Variants in NHSL2 observed in about 807,000 individuals in gnomAD.
NHSL2 encodes the protein NHS-like protein 2.
In NHSL2, 27 loss-of-function variants were observed where a neutral mutation model predicts 53.4. The observed-to-expected ratio is 0.51, with a 90% CI of 0.37 to 0.70. The LOEUF (loss-of-function observed/expected upper bound fraction) is 0.70, where lower values mean the gene tolerates loss of function less well. Ranked by LOEUF, NHSL2 falls within the 30% of genes least tolerant of loss-of-function variation. The probability of loss-of-function intolerance (pLI) is 0.00; values close to 1 mark genes in which losing one functional copy is unlikely to be tolerated. For synonymous variants in NHSL2, 408 were observed against 404.1 expected (o/e 1.01, Z -0.12); for missense variants, 892 against 980.1 (o/e 0.91, Z 1.20).
At chrX:71,985,819 T>A (rs996198193) in intron 1 of NHSL2, among the ~76,000 whole-genome samples, 1 of 111,839 alleles carries the variant, frequency 8.9e-6, no homozygotes, top group Non-Finnish European at 1.9e-5. Context: ...AATGTCATAA[T>A]CTCCAAAGTT....
At chrX:72,061,804 C>T (rs1371115116) in intron 1 of NHSL2, among the ~76,000 whole-genome samples, 2 of 112,250 alleles carry the variant, frequency 1.8e-5, no homozygotes, top group African/African-American at 3.2e-5. Flanking sequence ...GGCCTTGGCA[C>T]TTTCTGTTCC....
At chrX:72,098,513 G>A (rs1455334704) in intron 1 of NHSL2, among the ~76,000 whole-genome samples, 2 of 107,426 alleles carry the variant, frequency 1.9e-5, no homozygotes, top group Non-Finnish European at 3.9e-5. Context: ...CCCGGGAGAC[G>A]GAGCTTGCAG....
intron 1 of NHSL2, among the ~76,000 whole-genome samples, chrX:72,026,602 G>A (rs1004035470): frequency 1.8e-5 from 2 of 112,836 alleles, no homozygotes; most frequent in Non-Finnish European, 3.8e-5. Context: ...CAATGGCCTA[G>A]GTGGTTTTCC....
intron 1 of NHSL2, among the ~76,000 whole-genome samples, chrX:71,994,298 C>CTCTGTG (rs2042040129): frequency 1.1e-5 from 1 of 90,061 alleles, no homozygotes; most frequent in African/African-American, 4.1e-5. Flanking sequence ...GAGGCTCCCT[C>CTCTGTG]TGTGTGTGTG....
At chrX:71,987,125 G>A (rs1041200778) in intron 1 of NHSL2, among the ~76,000 whole-genome samples, 15 of 111,752 alleles carry the variant, frequency 1.3e-4, no homozygotes, top group Non-Finnish European at 2.4e-4. Flanking sequence ...GCATGAGAAT[G>A]GTGTGAACCC....
chrX:71,942,459 T>C (rs1171571073), intron 1 of NHSL2, among the ~76,000 whole-genome samples: 4 of 112,635 alleles, frequency 3.6e-5, no homozygotes, highest in African/African-American at 1.3e-4. Context: ...GTGTCTGAGC[T>C]GATGTTTTCC....
chrX:71,910,908 C>T lies in NHSL2; in HGVS notation c.-180C>T. 1 of 266,722 alleles carries T rather than the reference C, an allele frequency of 3.7e-6. No individual in the cohort carries two copies. The highest frequency in any genetic ancestry group is 6.8e-5 in the Admixed American group (1 of 14,647). The allele number at this position is 266,722 out of a possible 1,213,427, so 22.0% of individuals were successfully genotyped here. A position where few individuals can be genotyped will look rare whatever the true frequency, so the allele number is the denominator to read the frequency against. On this transcript the variant is annotated 5_prime_UTR_variant, in exon 1 of 8. Coordinates refer to ENST00000633930, the MANE Select transcript of NHSL2 (RefSeq NM_001013627.3). ...GGAGCCGGCGCTCTAGGCGAGGAACCCGTCAGCCCGCCTACCCGCCCGTCG... is the reference window on the plus strand; with the variant it reads ...GGAGCCGGCGCTCTAGGCGAGGAACTCGTCAGCCCGCCTACCCGCCCGTCG...
intron 1 of NHSL2, among the ~76,000 whole-genome samples, chrX:71,942,970 C>CTGTGTG (rs1348513435): frequency 9.9e-4 from 17 of 17,096 alleles, no homozygotes; most frequent in South Asian, 5.9e-3. Flanking sequence ...CTCTCTCTCT[C>CTGTGTG]TCTGTGTGTG....
rs181773316 is a variant in NHSL2 at position 71,989,219 on chromosome X, C to T, written c.280+77852C>T. 5.0e-3 allele frequency among the ~76,000 whole-genome samples: 545 copies of T among 109,318 alleles called. 2 individuals carry two copies. The highest frequency in any genetic ancestry group is 0.018 in the African/African-American group (526 of 29,873). 94.9% of individuals were successfully genotyped at this position (109,318 alleles called of 115,157 possible). A position where few individuals can be genotyped will look rare whatever the true frequency, so the allele number is the denominator to read the frequency against. On this transcript the variant is annotated intron_variant, in intron 1 of 7. Transcript: ENST00000633930. ...AAAAAATTAGCCGGGCGTGGTGGCA[C>T]GCGCCTATAGTGCCAGCTACTCGGG... is the stretch of plus-strand genomic sequence containing the variant.
intron 1 of NHSL2, among the ~76,000 whole-genome samples, chrX:71,972,064 T>C (rs909459954): frequency 2.7e-5 from 3 of 111,035 alleles, no homozygotes; most frequent in African/African-American, 9.8e-5. Context: ...AGATGGAGTT[T>C]CACTCTTGTT....
At position 72,140,271 on chromosome X, in the gene NHSL2, G is replaced by A; in HGVS notation, c.2723G>A (p.Ser908Asn). ...TSPTLAMPPR[S>N]SIQHARPLPQ... ...CCAACCTTGGCTATGCCCCCCAGGA[G>A]CTCAATTCAACATGCGAGACCACTC... Residue 908 changes from serine to asparagine, a missense_variant, in exon 6 of 8, where the codon AGC becomes AAC. Coordinates refer to ENST00000633930, the MANE Select transcript of NHSL2 (RefSeq NM_001013627.3). 1 of 1,210,689 alleles carries A rather than the reference G, an allele frequency of 8.3e-7. No individual in the cohort carries two copies. Among genetic ancestry groups the A allele is most frequent in the South Asian group, 1.8e-5 (1 of 56,769 alleles).
chrX:72,151,863 G>A lies in NHSL2; in HGVS notation c.*8289G>A, dbSNP rs1430228122. Reference sequence around the variant, plus strand: ...TCCAGTTCAGCCTACGATTTCCTAGGGAAATCACCAGGTTCCAAAGGCTGG... The same window carrying A: ...TCCAGTTCAGCCTACGATTTCCTAGAGAAATCACCAGGTTCCAAAGGCTGG... On this transcript the variant is annotated 3_prime_UTR_variant, in exon 8 of 8. Coordinates refer to ENST00000633930, the MANE Select transcript of NHSL2 (RefSeq NM_001013627.3). 1 of 112,133 alleles carries A rather than the reference G, an allele frequency of 8.9e-6. No homozygotes were observed. The highest frequency in any genetic ancestry group is 1.9e-5 in the Non-Finnish European group (1 of 53,214). 9.2% of individuals were successfully genotyped at this position (112,133 alleles called of 1,213,427 possible).
At position 71,984,046 on chromosome X, in the gene NHSL2, G is replaced by A. The variant is rs756267668; in HGVS notation, c.280+72679G>A. On this transcript the variant is annotated intron_variant, in intron 1 of 7. Transcript: ENST00000633930. ...AGCCCCTATTCAAGATGGAGTTGCT[G>A]TGGTTCAAACACCTCTGACATTTCC... is the stretch of plus-strand genomic sequence containing the variant. Among the ~76,000 whole-genome samples the A allele has an allele frequency of 1.2e-4, 13 of 111,619 alleles. No individual in the cohort carries two copies. In the South Asian group the frequency reaches 5.0e-3, roughly 43 times the overall value.
rs779126328 is a variant in NHSL2 at position 72,117,005 on chromosome X, G to A, written c.281-15074G>A. The stretch of plus-strand genomic sequence containing the variant: ...CCACCTACATATCTATAGGTACCAG[G>A]GTCTTACAGATTGGGCTGTGAAATC... On this transcript the variant is annotated intron_variant, in intron 1 of 7. Coordinates refer to ENST00000633930, the MANE Select transcript of NHSL2 (RefSeq NM_001013627.3). 4.5e-5 allele frequency among the ~76,000 whole-genome samples: 5 copies of A among 111,307 alleles called. No homozygotes were observed. In the South Asian group the frequency reaches 1.9e-3, roughly 42 times the overall value.
chrX:71,973,984 C>G (rs2041937419), intron 1 of NHSL2, among the ~76,000 whole-genome samples: 1 of 112,071 alleles, frequency 8.9e-6, no homozygotes, highest in African/African-American at 3.2e-5. Context: ...AGGGGCAGAA[C>G]TGGAGCAGGT....
At chrX:71,961,626 T>C (rs1036027918) in intron 1 of NHSL2, among the ~76,000 whole-genome samples, 2 of 111,284 alleles carry the variant, frequency 1.8e-5, no homozygotes, top group Admixed American at 1.9e-4. Context: ...CGATGTTAGC[T>C]TTGGGTAGGT....
chrX:71,963,499 C>T (rs974366494), intron 1 of NHSL2, among the ~76,000 whole-genome samples: 1 of 111,003 alleles, frequency 9.0e-6, no homozygotes, highest in Non-Finnish European at 1.9e-5. Flanking sequence ...GATTGTCACA[C>T]AGGATCCAAA....
chrX:72,107,976 C>T (rs1238250367), intron 1 of NHSL2, among the ~76,000 whole-genome samples: 1 of 111,686 alleles, frequency 9.0e-6, no homozygotes, highest in Non-Finnish European at 1.9e-5. Flanking sequence ...TCTCTTGGCC[C>T]CGTGGAGGCT....
chrX:72,119,163 A>G (rs186069911), intron 1 of NHSL2, among the ~76,000 whole-genome samples: 137 of 111,670 alleles, frequency 1.2e-3, no homozygotes, highest in Non-Finnish European at 1.9e-3. Flanking sequence ...GCAACACACT[A>G]TTTTGATTAC....
Sources: gnomAD v4.1 joint callset for allele counts (sites outside exome capture counted in the v4.1 genomes callset) on GRCh38, gnomAD v4.1.1 for gene constraint, MANE v1.5 for transcripts, NCBI Gene and HGNC (gene_info 2026-07-23, HGNC 2026-07-21) for gene names.